EWSR1: variants seen among roughly 807,000 people sequenced by gnomAD.
EWSR1 encodes EWS RNA binding protein 1.
EWSR1 carries 14 observed loss-of-function variants against 92.1 expected under a neutral mutation model. That is an observed-to-expected ratio of 0.15 (90% CI 0.10 to 0.24). The LOEUF is 0.24. Among genes scored for constraint, EWSR1 ranks in the 10% least tolerant of loss-of-function variants. The pLI, the probability that EWSR1 is intolerant of heterozygous loss-of-function variation, is 1.00. For synonymous variants in EWSR1, 303 were observed against 292.9 expected (o/e 1.03, Z -0.35); for missense variants, 637 against 870.9 (o/e 0.73, Z 3.38).
At chr22:29,274,362 T>C in intron 4 of EWSR1, 1 of 1,541,516 alleles carries the variant, frequency 6.5e-7, no homozygotes, top group Non-Finnish European at 9.0e-7. Context: ...TTTAGGTGTT[T>C]TCATTTGTTG....
chr22:29,283,833 C>T (rs2059810122), intron 6 of EWSR1, among the ~76,000 whole-genome samples: 2 of 143,930 alleles, frequency 1.4e-5, no homozygotes, highest in Admixed American at 1.4e-4. Flanking sequence ...TGCGCCCAGC[C>T]AGTTTGTTTG....
Position 29,275,935 on chromosome 22 carries a change from G to T in EWSR1, c.226+2071G>T, listed in dbSNP as rs200642576. The stretch of plus-strand genomic sequence containing the variant: ...TGGTCTTTTGTTTTTTTGTTTTTTT[G>T]TTTTTTTTTTGGTCATTAAATCATT... On this transcript the variant is annotated intron_variant, in intron 4 of 16. Coordinates refer to ENST00000397938, the MANE Select transcript of EWSR1 (RefSeq NM_005243.4). 232 of 214,626 alleles carry T rather than the reference G, an allele frequency of 1.1e-3. 2 individuals are homozygous for T. In the East Asian group the frequency reaches 0.013, roughly 12 times the overall value. 13.3% of individuals were successfully genotyped at this position (214,626 alleles called of 1,614,324 possible).
chr22:29,280,872 T>G (rs1157316441), intron 5 of EWSR1, among the ~76,000 whole-genome samples: 54 of 96,434 alleles, frequency 5.6e-4, no homozygotes, highest in East Asian at 1.5e-3. Flanking sequence ...GTTTTTTTTT[T>G]TTTTTTTTTT....
intron 11 of EWSR1, among the ~76,000 whole-genome samples, chr22:29,295,094 C>A (rs1404973750): frequency 6.6e-6 from 1 of 151,632 alleles, no homozygotes; most frequent in Non-Finnish European, 1.5e-5. Context: ...GAGATGGAGT[C>A]TTGCTCTGTT....
In EWSR1 at chr22:29,297,927, C is replaced by T; in HGVS notation, c.1395C>T (p.Gly465=). 6.2e-7 allele frequency: 1 copy of T among 1,613,874 alleles called. No homozygotes were observed. Among genetic ancestry groups the T allele is most frequent in the Non-Finnish European group, 8.5e-7 (1 of 1,179,904 alleles). ...GTCTGCCACCCCGTGAGGGCAGAGG[C>T]ATGCCACCACCACTCCGTGGAGGTA... The part of the protein sequence containing the change: ...RGGLPPREGR[G]MPPPLRGGPG... The change falls in exon 13 of 17, where the codon GGC becomes GGT. Residue 465 remains glycine, a synonymous_variant. Coordinates refer to ENST00000397938, the MANE Select transcript of EWSR1 (RefSeq NM_005243.4).
chr22:29,290,243 C>T (rs1249883332), intron 8 of EWSR1: 10 of 569,676 alleles, frequency 1.8e-5, no homozygotes, highest in South Asian at 1.7e-4. Flanking sequence ...GCATTTCCCT[C>T]GTTGCCCCCC....
In EWSR1 at chr22:29,298,884, G is replaced by A. The variant is rs770816500; in HGVS notation, c.1569G>A (p.Gln523=). ...TCCAGCACCGAGCTGGAGACTGGCA[G>A]TGTCCCAATCCGTATGTACTTGTCT... ...GNVQHRAGDW[Q]CPNPGCGNQN... The change falls in exon 14 of 17, where the codon CAG becomes CAA. Residue 523 remains glutamine (Q), a synonymous_variant. Transcript: ENST00000397938. 53 of 1,553,396 alleles carry A rather than the reference G, an allele frequency of 3.4e-5. 1 individual carries two copies. In the South Asian group the frequency reaches 5.9e-4, roughly 17 times the overall value.
chr22:29,275,518 C>T, intron 4 of EWSR1: 1 of 221,808 alleles, frequency 4.5e-6, no homozygotes, highest in Admixed American at 5.7e-5. Context: ...GCCTTCTTGT[C>T]TCCCTTAATC....
chr22:29,282,294 T>G, intron 5 of EWSR1, 96 bp from the exon 6 acceptor site: 1 of 936,178 alleles, frequency 1.1e-6, no homozygotes, highest in Non-Finnish European at 1.6e-6. Context: ...TGCTTATTGC[T>G]CGTAGCTTTG....
At chr22:29,273,252 G>A (rs575622037) in intron 3 of EWSR1, among the ~76,000 whole-genome samples, 1 of 152,308 alleles carries the variant, frequency 6.6e-6, no homozygotes, top group African/African-American at 2.4e-5. Context: ...AAGTCTTTTT[G>A]TCAGGCTGAA....
chr22:29,270,036 A>G (rs1300516385), intron 1 of EWSR1, among the ~76,000 whole-genome samples: 1 of 152,230 alleles, frequency 6.6e-6, no homozygotes, highest in Non-Finnish European at 1.5e-5. Flanking sequence ...TGTAAAATAC[A>G]GAAGTTAGGC....
intron 10 of EWSR1, 106 bp downstream of exon 10, chr22:29,292,275 C>T (rs1041901752): frequency 2.4e-6 from 3 of 1,241,654 alleles, no homozygotes; most frequent in South Asian, 1.2e-5. Flanking sequence ...GTGTGATATT[C>T]TTGCTGTCAA....
At chr22:29,273,953 T>G (rs1372147335) in intron 4 of EWSR1, 89 bp downstream of exon 4, 1 of 1,524,996 alleles carries the variant, frequency 6.6e-7, no homozygotes, top group Non-Finnish European at 8.9e-7. Flanking sequence ...ATGTATATTC[T>G]GGTCCATACC....
rs71196650 is a variant in EWSR1 at position 29,280,862 on chromosome 22, G to GTTTTTTTTT, written c.414-1499_414-1491dup. Reference sequence around the variant, plus strand: ...CTAATTTTGTGTGTGTGTGTGTGTTGTTTTTTTTTTTTTTTTTTTTTTTTT... The same window carrying GTTTTTTTTT: ...CTAATTTTGTGTGTGTGTGTGTGTTGTTTTTTTTTTTTTTTTTTTTTTTTTTTTTTTTTT... On this transcript the variant is annotated intron_variant, in intron 5 of 16. Coordinates refer to ENST00000397938, the MANE Select transcript of EWSR1 (RefSeq NM_005243.4). 1.1e-4 allele frequency among the ~76,000 whole-genome samples: 7 copies of GTTTTTTTTT among 62,894 alleles called. 2 individuals carry two copies. The highest frequency in any genetic ancestry group is 1.9e-4 in the Non-Finnish European group (6 of 32,240). The allele number at this position is 62,894 out of a possible 152,430, so 41.3% of individuals were successfully genotyped here. A position where few individuals can be genotyped will look rare whatever the true frequency, so the allele number is the denominator to read the frequency against.
At chr22:29,271,285 A>C (rs1332621522) in intron 1 of EWSR1, among the ~76,000 whole-genome samples, 1 of 152,220 alleles carries the variant, frequency 6.6e-6, no homozygotes, top group Admixed American at 6.5e-5. Flanking sequence ...TTAAAAAAAA[A>C]CTAAATTTAT....
chr22:29,293,714 GC>G (rs1448608394), intron 11 of EWSR1, among the ~76,000 whole-genome samples: 2 of 152,132 alleles, frequency 1.3e-5, no homozygotes. Flanking sequence ...ACAGGTGCCC[GC>G]CACCACACCC....
intron 1 of EWSR1, among the ~76,000 whole-genome samples, chr22:29,268,845 G>T (rs1052473890): frequency 1.3e-5 from 2 of 152,250 alleles, no homozygotes; most frequent in African/African-American, 4.8e-5. Context: ...GTGGGCCGAG[G>T]GGTGCCGGCC....
At chr22:29,272,179 T>A (rs997544985) in intron 1 of EWSR1, 37 bp from the exon 2 acceptor site, 1 of 1,601,522 alleles carries the variant, frequency 6.2e-7, no homozygotes. Flanking sequence ...TTGTTTCTGC[T>A]AACTTTACAC....
At position 29,273,818 on chromosome 22, in the gene EWSR1, C is replaced by T. The variant is rs779793507; in HGVS notation, c.180C>T (p.Thr60=). ...VSYTQAQTTA[T]YGQTAYATSY... Reference sequence around the variant, plus strand: ...ATACCCAGGCTCAGACCACTGCAACCTATGGGCAGACCGCCTATGCAACTT... The same window carrying T: ...ATACCCAGGCTCAGACCACTGCAACTTATGGGCAGACCGCCTATGCAACTT... Residue 60 remains threonine (T), a synonymous_variant, in exon 4 of 17, where the codon ACC becomes ACT. Coordinates refer to ENST00000397938, the MANE Select transcript of EWSR1 (RefSeq NM_005243.4). 5 of 1,614,038 alleles carry T rather than the reference C, an allele frequency of 3.1e-6. No homozygotes were observed. Among genetic ancestry groups the T allele is most frequent in the South Asian group, 1.1e-5 (1 of 91,074 alleles).
Sources: allele counts gnomAD v4.1 joint callset (sites outside exome capture counted in the v4.1 genomes callset), GRCh38; gene constraint gnomAD v4.1.1; transcripts MANE v1.5; gene names NCBI Gene and HGNC (gene_info 2026-07-23, HGNC 2026-07-21).